MRS2: variants seen among roughly 807,000 people sequenced by gnomAD.
MRS2 encodes the protein magnesium transporter MRS2, also known as magnesium transporter MRS2 homolog, mitochondrial.
MRS2 carries 40 observed loss-of-function variants against 52.6 expected under a neutral mutation model. The observed-to-expected ratio is 0.76, with a 90% CI of 0.59 to 0.99. The LOEUF is 0.99. MRS2 is among the 50% of genes least tolerant of loss of function. The pLI is 0.00. For synonymous variants in MRS2, 193 were observed against 195.9 expected (o/e 0.98, Z 0.13); for missense variants, 472 against 532.7 (o/e 0.89, Z 1.12).
At chr6:24,410,393 T>G (rs2127286501) in intron 4 of MRS2, among the ~76,000 whole-genome samples, 1 of 152,326 alleles carries the variant, frequency 6.6e-6, no homozygotes, top group African/African-American at 2.4e-5. Context: ...TTAATGTGGG[T>G]TTCAGTTATT....
intron 5 of MRS2, 111 bp downstream of exon 5, chr6:24,412,506 G>A: frequency 1.3e-6 from 1 of 754,802 alleles, no homozygotes; most frequent in Non-Finnish European, 2.0e-6. Context: ...ACCACATCCT[G>A]CCCCGAAACA....
chr6:24,420,445 GAA>G (rs1312171802), intron 9 of MRS2, among the ~76,000 whole-genome samples: 1 of 152,172 alleles, frequency 6.6e-6, no homozygotes, highest in Non-Finnish European at 1.5e-5. Flanking sequence ...AAGTATAAAA[GAA>G]AAGGAAATAC....
chr6:24,414,842 A>G (rs1411701942), intron 5 of MRS2, among the ~76,000 whole-genome samples, 191 bp from the exon 6 acceptor site: 3 of 152,232 alleles, frequency 2.0e-5, no homozygotes, highest in Non-Finnish European at 2.9e-5. Context: ...AACATCATAC[A>G]TAGTTCTTTG....
intron 5 of MRS2, among the ~76,000 whole-genome samples, chr6:24,414,497 CAGA>C (rs1458973714): frequency 1.3e-5 from 2 of 152,010 alleles, no homozygotes; most frequent in Non-Finnish European, 1.5e-5. Context: ...CATCCCAAGG[CAGA>C]AGAATTTTTC....
At chr6:24,404,964 G>A (rs910487501) in intron 1 of MRS2, among the ~76,000 whole-genome samples, 2 of 152,204 alleles carry the variant, frequency 1.3e-5, no homozygotes, top group Non-Finnish European at 2.9e-5. Context: ...TAAGCCATTA[G>A]TTTTAAAAAT....
At position 24,424,553 on chromosome 6, in the gene MRS2, T is replaced by G; in HGVS notation, c.*859T>G. 6.6e-6 allele frequency: 1 copy of G among 152,236 alleles called. No homozygotes were observed. The highest frequency in any genetic ancestry group is 1.9e-4 in the East Asian group (1 of 5,200). 9.4% of individuals were successfully genotyped at this position (152,236 alleles called of 1,614,324 possible). On this transcript the variant is annotated 3_prime_UTR_variant, in exon 11 of 11. Coordinates refer to ENST00000378386, the MANE Select transcript of MRS2 (RefSeq NM_020662.4). ...CATGAGGATGAATAAATGTTAGAACTGTGATATCTTCTCATTTCCACAGAG... is the reference window on the plus strand; with the variant it reads ...CATGAGGATGAATAAATGTTAGAACGGTGATATCTTCTCATTTCCACAGAG...
Position 24,403,121 on chromosome 6 carries a change from G to C in MRS2, c.75G>C (p.Leu25=), listed in dbSNP as rs1163215700. 6.2e-7 allele frequency: 1 copy of C among 1,612,086 alleles called. No individual in the cohort carries two copies. Among genetic ancestry groups the C allele is most frequent in the East Asian group, 2.2e-5 (1 of 44,856 alleles). Residue 25 remains leucine, a synonymous_variant, in exon 1 of 11, where the codon CTG becomes CTC. Transcript: ENST00000378386. ...MRLPRRTLCA[L]ALDVTSVGPP... ...TTCCCCGGCGGACGCTGTGTGCCCT[G>C]GCCTTGGACGTGACCTCTGTGGGTC... is the stretch of plus-strand genomic sequence containing the variant.
At position 24,408,388 on chromosome 6, in the gene MRS2, G is replaced by T; in HGVS notation, c.265-20G>T. Reference sequence around the variant, plus strand: ...CTAATTTGAAAGAAAATCATAATTTGTTTTATTCTCTATTTTCAGACAAAA... The same window carrying T: ...CTAATTTGAAAGAAAATCATAATTTTTTTTATTCTCTATTTTCAGACAAAA... On this transcript the variant is annotated intron_variant, in intron 2 of 10. Transcript: ENST00000378386. 6.7e-7 allele frequency: 1 copy of T among 1,488,830 alleles called. No homozygotes were observed. The allele number at this position is 1,488,830 out of a possible 1,614,324, so 92.2% of individuals were successfully genotyped here. A position where few individuals can be genotyped will look rare whatever the true frequency, so the allele number is the denominator to read the frequency against.
chr6:24,411,909 A>AT (rs1376210839), intron 4 of MRS2, among the ~76,000 whole-genome samples: 1 of 146,720 alleles, frequency 6.8e-6, no homozygotes, highest in Non-Finnish European at 1.5e-5. Flanking sequence ...AAGTCTTAGT[A>AT]AATATATAAT....
intron 1 of MRS2, among the ~76,000 whole-genome samples, chr6:24,404,598 A>C (rs1761400213): frequency 6.6e-6 from 1 of 151,796 alleles, no homozygotes; most frequent in Admixed American, 6.6e-5. Context: ...TCACGTTTTA[A>C]ATAGACAATT....
chr6:24,417,987 G>A, intron 7 of MRS2, 97 bp from the exon 8 acceptor site: 1 of 923,898 alleles, frequency 1.1e-6, no homozygotes, highest in South Asian at 2.1e-5. Flanking sequence ...TTTTCCACTG[G>A]TAGCTGAATG....
At chr6:24,415,460 A>T (rs2127292919) in intron 6 of MRS2, among the ~76,000 whole-genome samples, 1 of 152,352 alleles carries the variant, frequency 6.6e-6, no homozygotes, top group Admixed American at 6.5e-5. Flanking sequence ...TGGCTAGTAA[A>T]TGGCAGATCT....
At position 24,416,664 on chromosome 6, in the gene MRS2, C is replaced by A. The variant is rs565471093; in HGVS notation, c.836+151C>A. ...TCCCCAGTTTCCCTTTTTTCCTGTG[C>A]AGTATCGTATCTAATTCAATGTAAT... On this transcript the variant is annotated intron_variant, in intron 7 of 10. Coordinates refer to ENST00000378386, the MANE Select transcript of MRS2 (RefSeq NM_020662.4). The A allele has an allele frequency of 7.2e-4, 457 of 636,532 alleles. 3 individuals are homozygous for A. In the Middle Eastern group the frequency reaches 8.6e-3, roughly 12 times the overall value. 39.4% of individuals were successfully genotyped at this position (636,532 alleles called of 1,614,324 possible).
chr6:24,403,248 C>T lies in MRS2; in HGVS notation c.190+12C>T, dbSNP rs761579015. 49 of 1,584,788 alleles carry T rather than the reference C, an allele frequency of 3.1e-5. No homozygotes were observed. The highest frequency in any genetic ancestry group is 3.8e-5 in the Non-Finnish European group (45 of 1,173,800). On this transcript the variant is annotated intron_variant, in intron 1 of 10. Coordinates refer to ENST00000378386, the MANE Select transcript of MRS2 (RefSeq NM_020662.4). ...GCTCCGCGTGGCAGGTACTGCCCTTCCCCGGCAACAGCCTTGGGACGCTGG... is the reference window on the plus strand; with the variant it reads ...GCTCCGCGTGGCAGGTACTGCCCTTTCCCGGCAACAGCCTTGGGACGCTGG...
At chr6:24,421,299 A>G (rs552679027) in intron 9 of MRS2, among the ~76,000 whole-genome samples, 35 of 152,312 alleles carry the variant, frequency 2.3e-4, no homozygotes, top group Middle Eastern at 3.4e-3. Flanking sequence ...TAATGAGATA[A>G]GAGTGGTAGG....
At chr6:24,411,677 T>C (rs1274028651) in intron 4 of MRS2, among the ~76,000 whole-genome samples, 1 of 152,188 alleles carries the variant, frequency 6.6e-6, no homozygotes, top group East Asian at 1.9e-4. Flanking sequence ...TAGCTGGGAC[T>C]ACAGGTGTGG....
chr6:24,410,736 C>G, intron 4 of MRS2: 1 of 1,530,512 alleles, frequency 6.5e-7, no homozygotes, highest in Non-Finnish European at 8.7e-7. Flanking sequence ...GAAATATTCT[C>G]TACTCTTGGA....
chr6:24,417,940 CA>C (rs61690921), intron 7 of MRS2, 143 bp from the exon 8 acceptor site: 37,529 of 506,534 alleles, frequency 0.074, 528 homozygotes, highest in African/African-American at 0.16. Flanking sequence ...AACTCCATCT[CA>C]AAAAAAAAAA....
At chr6:24,414,304 G>A (rs912180109) in intron 5 of MRS2, among the ~76,000 whole-genome samples, 13 of 151,950 alleles carry the variant, frequency 8.6e-5, no homozygotes, top group African/African-American at 2.9e-4. Context: ...GCCGCCTTCC[G>A]CAGTGTTTGT....
Sources: gnomAD v4.1 joint callset for allele counts (sites outside exome capture counted in the v4.1 genomes callset) on GRCh38, gnomAD v4.1.1 for gene constraint, MANE v1.5 for transcripts, NCBI Gene and HGNC (gene_info 2026-07-23, HGNC 2026-07-21) for gene names.